The following ARHGAP15 variants were observed in gnomAD, a reference collection of about 807,000 sequenced individuals.
The protein encoded by ARHGAP15 is rho GTPase-activating protein 15.
Under a neutral mutation model 63.7 loss-of-function variants are expected in ARHGAP15, and 51 were observed. That is an observed-to-expected ratio of 0.80 (90% CI 0.64 to 1.01). The LOEUF is 1.01. ARHGAP15 is among the 50% of genes least tolerant of loss of function. The pLI is 0.00. For missense variants in ARHGAP15, 560 were observed against 564.6 expected (o/e 0.99, Z 0.08); for synonymous variants, 191 against 193.8 (o/e 0.99, Z 0.12).
At chr2:143,648,413 A>G (rs193120110) in intron 12 of ARHGAP15, among the ~76,000 whole-genome samples, 4 of 151,988 alleles carry the variant, frequency 2.6e-5, no homozygotes, top group Admixed American at 2.6e-4. Context: ...AACATATATT[A>G]TTTTTCCCTG....
intron 6 of ARHGAP15, among the ~76,000 whole-genome samples, chr2:143,327,333 A>G (rs1684300530): frequency 6.6e-6 from 1 of 152,240 alleles, no homozygotes; most frequent in African/African-American, 2.4e-5. Context: ...AAAGTAATTT[A>G]TGGATTCAAT....
At chr2:143,360,081 A>G (rs1375763158) in intron 6 of ARHGAP15, among the ~76,000 whole-genome samples, 1 of 152,098 alleles carries the variant, frequency 6.6e-6, no homozygotes, top group East Asian at 1.9e-4. Context: ...AGTTTCCTAT[A>G]AAATCACATT....
intron 13 of ARHGAP15, chr2:143,704,008 GA>G (rs111878424): frequency 0.19 from 25,514 of 135,488 alleles, 2,454 homozygotes; most frequent in South Asian, 0.31. Flanking sequence ...AGTCTTCCAG[GA>G]AAAAAAAAAA....
intron 2 of ARHGAP15, among the ~76,000 whole-genome samples, chr2:143,191,906 T>C (rs1574072013): frequency 6.6e-6 from 1 of 152,182 alleles, no homozygotes; most frequent in Non-Finnish European, 1.5e-5. Context: ...CCTTGAAGAA[T>C]TTTTTTGACA....
At chr2:143,330,110 A>T (rs1193819964) in intron 6 of ARHGAP15, among the ~76,000 whole-genome samples, 2,050 of 86,162 alleles carry the variant, frequency 0.024, 410 homozygotes, top group Admixed American at 0.21. Context: ...AAAAAAAAAA[A>T]AAAAAAAAAA....
At chr2:143,219,760 A>G (rs1692912767) in intron 4 of ARHGAP15, among the ~76,000 whole-genome samples, 1 of 152,198 alleles carries the variant, frequency 6.6e-6, no homozygotes, top group African/African-American at 2.4e-5. Flanking sequence ...TCCATAGAAC[A>G]TTACCTTAAT....
chr2:143,448,862 AC>A (rs945228246), intron 8 of ARHGAP15, among the ~76,000 whole-genome samples: 32 of 152,074 alleles, frequency 2.1e-4, no homozygotes, highest in African/African-American at 7.5e-4. Flanking sequence ...TTTGAAAAAA[AC>A]ATTACCATAT....
intron 2 of ARHGAP15, among the ~76,000 whole-genome samples, chr2:143,164,943 A>G (rs1012378246): frequency 2.6e-5 from 4 of 152,050 alleles, no homozygotes; most frequent in African/African-American, 9.7e-5. Context: ...GGAAATTATA[A>G]AACAAAATTA....
intron 12 of ARHGAP15, among the ~76,000 whole-genome samples, chr2:143,645,193 GATATCTTTAAAGTA>G (rs1294046370): frequency 6.6e-6 from 1 of 151,984 alleles, no homozygotes; most frequent in Non-Finnish European, 1.5e-5. Flanking sequence ...CAAGCCAAAA[GATATCTTTAAAGTA>G]AAATCTTTAA....
At chr2:143,155,414 A>T (rs1420664238) in intron 1 of ARHGAP15, 63 bp from the exon 2 acceptor site, 1 of 1,408,456 alleles carries the variant, frequency 7.1e-7, no homozygotes, top group East Asian at 2.6e-5. Flanking sequence ...GGGACACTCC[A>T]TCAAGAGTTT....
chr2:143,143,430 G>A (rs974237263), intron 1 of ARHGAP15, among the ~76,000 whole-genome samples: 1 of 151,840 alleles, frequency 6.6e-6, no homozygotes, highest in Non-Finnish European at 1.5e-5. Context: ...TTTAAGTAAT[G>A]TGAACTGGCA....
At chr2:143,432,465 A>C (rs1051158591) in intron 6 of ARHGAP15, among the ~76,000 whole-genome samples, 1 of 152,086 alleles carries the variant, frequency 6.6e-6, no homozygotes, top group African/African-American at 2.4e-5. Context: ...TCTAAAACGC[A>C]AATTTCTTCG....
At chr2:143,259,946 A>G (rs141034040) in intron 6 of ARHGAP15, among the ~76,000 whole-genome samples, 32 of 152,324 alleles carry the variant, frequency 2.1e-4, no homozygotes, top group Non-Finnish European at 4.0e-4. Context: ...TTTTGCTTAA[A>G]TAAGAATATA....
intron 12 of ARHGAP15, among the ~76,000 whole-genome samples, chr2:143,701,254 G>A (rs753871750): frequency 3.9e-5 from 6 of 151,992 alleles, no homozygotes; most frequent in African/African-American, 7.2e-5. Context: ...ATTCTTTTGC[G>A]ACAACATATT....
intron 6 of ARHGAP15, among the ~76,000 whole-genome samples, chr2:143,302,746 TC>T (rs1260329991): frequency 2.0e-5 from 3 of 151,972 alleles, no homozygotes; most frequent in Non-Finnish European, 4.4e-5. Flanking sequence ...GGAGGAATAG[TC>T]CTGCCTCACA....
chr2:143,201,205 C>T (rs1021524675), intron 2 of ARHGAP15, among the ~76,000 whole-genome samples: 1 of 151,166 alleles, frequency 6.6e-6, no homozygotes, highest in Non-Finnish European at 1.5e-5. Flanking sequence ...AAAATCCTGG[C>T]TCAAGTGATT....
At chr2:143,167,695 T>C (rs1690602177) in intron 2 of ARHGAP15, among the ~76,000 whole-genome samples, 1 of 152,080 alleles carries the variant, frequency 6.6e-6, no homozygotes, top group Admixed American at 6.6e-5. Flanking sequence ...CTTTTCCTCA[T>C]CAAAAACAAT....
intron 6 of ARHGAP15, among the ~76,000 whole-genome samples, chr2:143,263,462 T>A (rs747171942): frequency 2.6e-5 from 4 of 152,130 alleles, no homozygotes; most frequent in Admixed American, 6.6e-5. Flanking sequence ...GATCATGTAA[T>A]CAGTGGTAGG....
intron 11 of ARHGAP15, among the ~76,000 whole-genome samples, chr2:143,577,663 T>C (rs1397724303): frequency 6.6e-6 from 1 of 152,154 alleles, no homozygotes; most frequent in Non-Finnish European, 1.5e-5. Context: ...AGGAAGCTCC[T>C]TTCCCAAAGC....
Sources: allele counts gnomAD v4.1 joint callset (sites outside exome capture counted in the v4.1 genomes callset), GRCh38; gene constraint gnomAD v4.1.1; transcripts MANE v1.5; gene names NCBI Gene and HGNC (gene_info 2026-07-23, HGNC 2026-07-21).